The following B4GALT6 variants were observed in gnomAD, a reference collection of about 807,000 sequenced individuals.
B4GALT6 encodes UDP-Gal:beta-GlcNAc beta-1,4-galactosyltransferase 6.
B4GALT6 carries 14 observed loss-of-function variants against 46.3 expected under a neutral mutation model. That is an observed-to-expected ratio of 0.30 (90% CI 0.20 to 0.47). The LOEUF is 0.47. Ranked by LOEUF, B4GALT6 falls within the 20% of genes least tolerant of loss-of-function variation. The pLI, the probability that B4GALT6 is intolerant of heterozygous loss-of-function variation, is 0.99. For synonymous variants in B4GALT6, 168 were observed against 162.0 expected (o/e 1.04, Z -0.28); for missense variants, 386 against 480.1 (o/e 0.80, Z 1.83).
At chr18:31,631,287 C>T (rs1356989509) in intron 5 of B4GALT6, 141 bp from the exon 6 acceptor site, 16 of 847,224 alleles carry the variant, frequency 1.9e-5, no homozygotes, top group African/African-American at 7.1e-5. Context: ...CTACTGACCT[C>T]GTGATCCACC....
intron 1 of B4GALT6, among the ~76,000 whole-genome samples, chr18:31,669,934 G>A (rs1195038825): frequency 8.5e-5 from 13 of 152,114 alleles, no homozygotes; most frequent in Admixed American, 7.9e-4. Context: ...TGTACTTCCA[G>A]GACTGACCCT....
the B4GALT6 span, among the ~76,000 whole-genome samples, chr18:31,703,658 C>A: frequency 6.6e-6 from 1 of 152,126 alleles, no homozygotes; most frequent in African/African-American, 2.4e-5. Flanking sequence ...TATTTGAGGT[C>A]GGAGGTTAAG....
intron 4 of B4GALT6, 30 bp from the exon 5 acceptor site, chr18:31,638,790 T>G: frequency 1.3e-6 from 2 of 1,501,304 alleles, no homozygotes; most frequent in Non-Finnish European, 1.9e-6. Context: ...TGTATGTAAA[T>G]AAATATATCT....
At chr18:31,709,561 G>A in the B4GALT6 span, among the ~76,000 whole-genome samples, 640 of 30,540 alleles carry the variant, frequency 0.021, 15 homozygotes, top group African/African-American at 0.04. Context: ...ATATGTGTGT[G>A]TGTGTGTGTG....
At chr18:31,684,837 T>C (rs2074526841), upstream of B4GALT6, 2 of 905,666 alleles carry the variant, frequency 2.2e-6, no homozygotes, top group Non-Finnish European at 2.6e-6. Flanking sequence ...GGCAGCTAAC[T>C]GCAGCACGCC....
chr18:31,681,881 C>T (rs546003243), intron 1 of B4GALT6, among the ~76,000 whole-genome samples: 22 of 152,264 alleles, frequency 1.4e-4, no homozygotes, highest in African/African-American at 5.1e-4. Flanking sequence ...TAGTCATAAA[C>T]ACATTTTGCC....
the B4GALT6 span, among the ~76,000 whole-genome samples, chr18:31,704,652 A>G: frequency 6.6e-6 from 1 of 152,190 alleles, no homozygotes; most frequent in Non-Finnish European, 1.5e-5. Context: ...TAGAAGATAC[A>G]ATATGTAGGG....
intron 3 of B4GALT6, among the ~76,000 whole-genome samples, chr18:31,650,889 C>T (rs1339980459): frequency 6.6e-6 from 1 of 152,156 alleles, no homozygotes; most frequent in East Asian, 1.9e-4. Flanking sequence ...CTGCCTCACC[C>T]CCGAGTAGCT....
At chr18:31,677,480 C>A (rs556849991) in intron 1 of B4GALT6, among the ~76,000 whole-genome samples, 20 of 152,114 alleles carry the variant, frequency 1.3e-4, no homozygotes, top group African/African-American at 4.8e-4. Context: ...TCCAGTGGGC[C>A]CAAGATATGA....
intron 1 of B4GALT6, among the ~76,000 whole-genome samples, chr18:31,676,865 A>T (rs560864167): frequency 6.6e-6 from 1 of 152,352 alleles, no homozygotes; most frequent in Admixed American, 6.5e-5. Context: ...TTATTAAAGC[A>T]TATCACCTTA....
At chr18:31,721,776 T>C in the B4GALT6 span, among the ~76,000 whole-genome samples, 4 of 152,218 alleles carry the variant, frequency 2.6e-5, no homozygotes, top group Admixed American at 1.3e-4. Flanking sequence ...ACAATAACTC[T>C]TGCCTGAGTT....
In B4GALT6 at chr18:31,684,461, C is replaced by T; in HGVS notation, c.-35G>A. 1 of 1,606,514 alleles carries T rather than the reference C, an allele frequency of 6.2e-7. No individual in the cohort carries two copies. Among genetic ancestry groups the T allele is most frequent in the Non-Finnish European group, 8.5e-7 (1 of 1,176,350 alleles). ...CCCTGCCAGCAGCCCAGGCTGCGCT[C>T]TCAGGCCGGACTCGGGGCCACTGTC... is the stretch of plus-strand genomic sequence containing the variant. On this transcript the variant is annotated 5_prime_UTR_variant, in exon 1 of 9. Coordinates refer to ENST00000306851, the MANE Select transcript of B4GALT6 (RefSeq NM_004775.5).
At chr18:31,631,808 C>A (rs1184498367) in intron 5 of B4GALT6, among the ~76,000 whole-genome samples, 1 of 152,086 alleles carries the variant, frequency 6.6e-6, no homozygotes, top group Non-Finnish European at 1.5e-5. Flanking sequence ...AGACAAAAAA[C>A]AATTGGAACT....
intron 3 of B4GALT6, among the ~76,000 whole-genome samples, chr18:31,651,910 T>A (rs543454901): frequency 1.8e-4 from 28 of 152,166 alleles, no homozygotes; most frequent in African/African-American, 3.4e-4. Flanking sequence ...AGCTGGGACT[T>A]CAGGCGCCCG....
At chr18:31,693,750 T>A in the B4GALT6 span, among the ~76,000 whole-genome samples, 1 of 152,138 alleles carries the variant, frequency 6.6e-6, no homozygotes, top group Non-Finnish European at 1.5e-5. Flanking sequence ...GGAGGATTGC[T>A]TGAGCCCAGG....
intron 1 of B4GALT6, among the ~76,000 whole-genome samples, chr18:31,668,915 G>A (rs931258983): frequency 3.2e-4 from 48 of 152,002 alleles, no homozygotes; most frequent in African/African-American, 1.1e-3. Context: ...GGAGGCTGAG[G>A]CAGGAGAATC....
At chr18:31,693,551 A>G in the B4GALT6 span, among the ~76,000 whole-genome samples, 1 of 152,216 alleles carries the variant, frequency 6.6e-6, no homozygotes, top group Non-Finnish European at 1.5e-5. Context: ...ATAATAACCA[A>G]AAGATCCTAA....
chr18:31,708,867 G>T, the B4GALT6 span, among the ~76,000 whole-genome samples: 3 of 152,160 alleles, frequency 2.0e-5, no homozygotes, highest in African/African-American at 4.8e-5. Context: ...GAATGAAAAA[G>T]GATGAAGCCA....
At chr18:31,656,196 A>T (rs1479091098) in intron 3 of B4GALT6, among the ~76,000 whole-genome samples, 2 of 152,220 alleles carry the variant, frequency 1.3e-5, no homozygotes, top group Non-Finnish European at 2.9e-5. Flanking sequence ...ATCTATCAAC[A>T]ATAAGCTAAA....
Sources: gnomAD v4.1 joint callset for allele counts (sites outside exome capture counted in the v4.1 genomes callset) on GRCh38, gnomAD v4.1.1 for gene constraint, MANE v1.5 for transcripts, NCBI Gene and HGNC (gene_info 2026-07-23, HGNC 2026-07-21) for gene names.